The following MAPKAPK5 variants were observed in gnomAD, a reference collection of about 807,000 sequenced individuals.
MAPKAPK5 encodes the protein MAP kinase-activated protein kinase 5.
A neutral mutation model predicts 65.1 loss-of-function variants in MAPKAPK5; 30 were observed. The observed-to-expected ratio is 0.46, with a 90% CI of 0.34 to 0.63. The LOEUF is 0.63. Ranked by LOEUF, MAPKAPK5 falls within the 20% of genes least tolerant of loss-of-function variation. The pLI, the probability that MAPKAPK5 is intolerant of heterozygous loss-of-function variation, is 0.01. For missense variants in MAPKAPK5, 433 were observed against 581.4 expected, an observed-to-expected ratio of 0.74 and a Z score of 2.63; for synonymous variants, 179 against 204.6, an observed-to-expected ratio of 0.87 and a Z score of 1.07.
chr12:111,847,184 A>C (rs2068930755), intron 1 of MAPKAPK5, among the ~76,000 whole-genome samples: 1 of 151,792 alleles, frequency 6.6e-6, no homozygotes, highest in Non-Finnish European at 1.5e-5. Context: ...CTCTACTAAA[A>C]AAAACAAAAA....
chr12:111,901,825 T>TAGAAGGA lies in MAPKAPK5; in HGVS notation c.*8767_*8773dup, dbSNP rs1158151140. ...TGGCTCTGACTCAGATATACTGATG[T>TAGAAGGA]AGAAGGAAGGATTCTTTCACTTTTA... On this transcript the variant is annotated 3_prime_UTR_variant, in exon 14 of 14. Transcript: ENST00000550735. 1 of 156,462 alleles carries TAGAAGGA rather than the reference T, an allele frequency of 6.4e-6. No individual in the cohort carries two copies. The highest frequency in any genetic ancestry group is 1.4e-5 in the Non-Finnish European group (1 of 70,664). The allele number at this position is 156,462 out of a possible 1,614,324, so 9.7% of individuals were successfully genotyped here. A position where few individuals can be genotyped will look rare whatever the true frequency, so the allele number is the denominator to read the frequency against.
At chr12:111,882,048 T>C (rs2070250468) in intron 8 of MAPKAPK5, among the ~76,000 whole-genome samples, 2 of 152,194 alleles carry the variant, frequency 1.3e-5, no homozygotes, top group South Asian at 4.1e-4. Flanking sequence ...TTCTACAGCA[T>C]GGGCTGTGTC....
rs938659908 is a variant in MAPKAPK5, at chr12:111,901,332, CCT to C, written c.*8272_*8273del. ...CCACTGTAATGAAGGGCATGCCCCC[CCT>C]GACTGTGTTACTGCAGGAAGTGGAG... On this transcript the variant is annotated 3_prime_UTR_variant, in exon 14 of 14. Coordinates refer to ENST00000550735, the MANE Select transcript of MAPKAPK5 (RefSeq NM_003668.4). 6.6e-6 allele frequency: 3 copies of C among 455,912 alleles called. No individual in the cohort carries two copies. The highest frequency in any genetic ancestry group is 2.4e-5 in the Admixed American group (1 of 42,542). The allele number at this position is 455,912 out of a possible 1,614,324, so 28.2% of individuals were successfully genotyped here.
At position 111,895,429 on chromosome 12, in the gene MAPKAPK5, T is replaced by C. The variant is rs1164168974; in HGVS notation, c.*2368T>C. The C allele has an allele frequency of 6.6e-6, 1 of 151,400 alleles. No individual in the cohort carries two copies. The highest frequency in any genetic ancestry group is 2.4e-5 in the African/African-American group (1 of 41,178). 9.4% of individuals were successfully genotyped at this position (151,400 alleles called of 1,614,324 possible). A position where few individuals can be genotyped will look rare whatever the true frequency, so the allele number is the denominator to read the frequency against. ...ATTGGTTCCTTTTTATCTTGGAGAA[T>C]TTAATTGAAAGATATTTTTTGAGAT... On this transcript the variant is annotated 3_prime_UTR_variant, in exon 14 of 14. Coordinates refer to ENST00000550735, the MANE Select transcript of MAPKAPK5 (RefSeq NM_003668.4).
In MAPKAPK5 at chr12:111,883,601, A is replaced by C. The variant is rs759713514; in HGVS notation, c.681A>C (p.Leu227=). Residue 227 remains leucine (L), a synonymous_variant, in exon 9 of 14, where the codon CTA becomes CTC. Transcript: ENST00000550735. This position sits in a 1 kb window ranked among gnomAD's most constrained non-coding sequence, Gnocchi z 4.8. ...TYNKSCDLWS[L]GVIIYVMLCG... ...TTCAGAGCTGTGACTTGTGGTCCCTAGGGGTGATTATCTATGTGATGCTGT... is the reference window on the plus strand; with the variant it reads ...TTCAGAGCTGTGACTTGTGGTCCCTCGGGGTGATTATCTATGTGATGCTGT... The C allele has an allele frequency of 1.9e-6, 3 of 1,613,438 alleles. No homozygotes were observed. The highest frequency in any genetic ancestry group is 2.5e-6 in the Non-Finnish European group (3 of 1,179,712).
Position 111,894,766 on chromosome 12 carries a change from A to G in MAPKAPK5, c.*1705A>G, listed in dbSNP as rs61088218. The G allele has an allele frequency of 0.18, 26,070 of 146,018 alleles. 2,310 individuals are homozygous for G. The highest frequency in any genetic ancestry group is 0.28 in the Middle Eastern group (78 of 282). 9.0% of individuals were successfully genotyped at this position (146,018 alleles called of 1,614,324 possible). The stretch of plus-strand genomic sequence containing the variant: ...CCATAACAAACCAATTTTCGTGTAT[A>G]TGTGTGTGTGTGTGTGTGTGTGTGT... On this transcript the variant is annotated 3_prime_UTR_variant, in exon 14 of 14. Transcript: ENST00000550735.
chr12:111,856,298 CATA>C (rs2069238140), intron 1 of MAPKAPK5, among the ~76,000 whole-genome samples: 1 of 151,874 alleles, frequency 6.6e-6, no homozygotes, highest in East Asian at 1.9e-4. Context: ...TATGGCCTAT[CATA>C]AGCCATTTCA....
At chr12:111,886,587 C>G (rs538278785) in intron 10 of MAPKAPK5, among the ~76,000 whole-genome samples, 44 of 152,368 alleles carry the variant, frequency 2.9e-4, no homozygotes, top group Middle Eastern at 6.8e-3. Context: ...TTTGAGTAGA[C>G]AGTGTAAACG....
intron 13 of MAPKAPK5, 52 bp downstream of exon 13, chr12:111,890,196 T>G: frequency 7.6e-7 from 1 of 1,318,162 alleles, no homozygotes; most frequent in South Asian, 1.3e-5. Context: ...AGTGATTATG[T>G]TTAGAACATA....
At chr12:111,849,255 C>CTTT (rs112897636) in intron 1 of MAPKAPK5, among the ~76,000 whole-genome samples, 1 of 139,168 alleles carries the variant, frequency 7.2e-6, no homozygotes. Flanking sequence ...TTTTTTCTTT[C>CTTT]TTTTTTTTTT....
Position 111,901,540 on chromosome 12 carries a change from A to G in MAPKAPK5, c.*8479A>G, listed in dbSNP as rs1405029973. ...ATTATTTGATCTGCTTGCTTAAAAA[A>G]TCACCAGAGGCTGCCCCGGCAGAAG... On this transcript the variant is annotated 3_prime_UTR_variant, in exon 14 of 14. Coordinates refer to ENST00000550735, the MANE Select transcript of MAPKAPK5 (RefSeq NM_003668.4). 2.8e-6 allele frequency: 1 copy of G among 353,892 alleles called. No homozygotes were observed. The highest frequency in any genetic ancestry group is 5.6e-6 in the Non-Finnish European group (1 of 179,068). The allele number at this position is 353,892 out of a possible 1,614,324, so 21.9% of individuals were successfully genotyped here. A position where few individuals can be genotyped will look rare whatever the true frequency, so the allele number is the denominator to read the frequency against.
In MAPKAPK5 at chr12:111,900,717, C is replaced by T. The variant is rs1452127112; in HGVS notation, c.*7656C>T. ...ATGTTGTCATAAGTGTAAATTTCACCGTAAGGGATATCCTTGCTGTCCTTC... is the reference window on the plus strand; with the variant it reads ...ATGTTGTCATAAGTGTAAATTTCACTGTAAGGGATATCCTTGCTGTCCTTC... On this transcript the variant is annotated 3_prime_UTR_variant, in exon 14 of 14. Transcript: ENST00000550735. The T allele has an allele frequency of 1.8e-5, 8 of 455,944 alleles. No individual in the cohort carries two copies. The highest frequency in any genetic ancestry group is 9.4e-5 in the Admixed American group (4 of 42,560). 28.2% of individuals were successfully genotyped at this position (455,944 alleles called of 1,614,324 possible).
At chr12:111,889,426 A>G (rs1011015429) in intron 12 of MAPKAPK5, 1 of 174,212 alleles carries the variant, frequency 5.7e-6, no homozygotes, top group Admixed American at 5.4e-5. Context: ...AAATAAGAGA[A>G]TACCTCCTTA....
chr12:111,866,251 CTTAATTAAATA>C lies in MAPKAPK5; in HGVS notation c.186+21_186+31del. 1 of 1,596,176 alleles carries C rather than the reference CTTAATTAAATA, an allele frequency of 6.3e-7. No homozygotes were observed. Among genetic ancestry groups the C allele is most frequent in the Non-Finnish European group, 8.5e-7 (1 of 1,170,178 alleles). ...AATGAGGTATGCTTTATTGCCTCGA[CTTAATTAAATA>C]GTTGAAGTGCCTAAGAATTGTTCTT... On this transcript the variant is annotated intron_variant, in intron 3 of 13. Transcript: ENST00000550735.
At chr12:111,863,008 T>C (rs1236224021) in intron 1 of MAPKAPK5, among the ~76,000 whole-genome samples, 1 of 152,172 alleles carries the variant, frequency 6.6e-6, no homozygotes, top group African/African-American at 2.4e-5. Context: ...TTGAGTTCTG[T>C]TGAGGAGGTG....
intron 1 of MAPKAPK5, chr12:111,843,069 C>T (rs2068778879): frequency 2.5e-6 from 1 of 398,490 alleles, no homozygotes; most frequent in Admixed American, 4.4e-5. Flanking sequence ...GAGAGCCCTA[C>T]TACTACTACT....
In MAPKAPK5 at chr12:111,888,577, C is replaced by G; in HGVS notation, c.1059C>G (p.His353Gln). ...QDLKVSLKPL[H>Q]SVNNPILRKR... is the part of the protein sequence containing the mutation. ...TGAAAGTCAGCCTCAAACCCCTGCA[C>G]TCAGTGAACAACCCCATTCTGCGGA... is the stretch of plus-strand genomic sequence containing the variant. The change falls in exon 11 of 14, where the codon CAC (histidine) becomes CAG (glutamine). Residue 353 changes from histidine (H) to glutamine (Q), a missense_variant. His to Gln is a conservative substitution (Grantham distance 24). Coordinates refer to ENST00000550735, the MANE Select transcript of MAPKAPK5 (RefSeq NM_003668.4). 6.2e-7 allele frequency: 1 copy of G among 1,614,008 alleles called. No homozygotes were observed. Among genetic ancestry groups the G allele is most frequent in the Admixed American group, 1.7e-5 (1 of 60,016 alleles).
chr12:111,860,687 G>A (rs941660071), intron 1 of MAPKAPK5, among the ~76,000 whole-genome samples: 5 of 152,134 alleles, frequency 3.3e-5, no homozygotes, highest in African/African-American at 9.7e-5. Context: ...AGGCTAGAAA[G>A]CTTACTATTT....
chr12:111,868,928 G>A lies in MAPKAPK5; in HGVS notation c.393+67G>A, dbSNP rs1017548822. The A allele has an allele frequency of 1.6e-4, 193 of 1,183,906 alleles. 1 individual carries two copies. The highest frequency in any genetic ancestry group is 5.5e-5 in the South Asian group (4 of 72,088). The allele number at this position is 1,183,906 out of a possible 1,614,324, so 73.3% of individuals were successfully genotyped here. A position where few individuals can be genotyped will look rare whatever the true frequency, so the allele number is the denominator to read the frequency against. ...GGTTAACAAGCACAATTTCATTGGGGGGAAGAAAAGAAAACTTAAAGAAAA... is the reference window on the plus strand; with the variant it reads ...GGTTAACAAGCACAATTTCATTGGGAGGAAGAAAAGAAAACTTAAAGAAAA... On this transcript the variant is annotated intron_variant, in intron 5 of 13. Transcript: ENST00000550735.
Sources: gnomAD v4.1 joint callset for allele counts (sites outside exome capture counted in the v4.1 genomes callset) on GRCh38, gnomAD v4.1.1 for gene constraint, Gnocchi (gnomAD v3.1) non-coding constraint, MANE v1.5 for transcripts, NCBI Gene and HGNC (gene_info 2026-07-23, HGNC 2026-07-21) for gene names.